Variants in MYO6 observed in about 807,000 individuals in gnomAD.
MYO6 encodes myosin VI.
Under a neutral mutation model 178.7 loss-of-function variants are expected in MYO6, and 74 were observed. The observed-to-expected ratio is 0.41, with a 90% CI of 0.34 to 0.50. The LOEUF (loss-of-function observed/expected upper bound fraction) is 0.50, where lower values mean the gene tolerates loss of function less well. Ranked by LOEUF, MYO6 falls within the 20% of genes least tolerant of loss-of-function variation. MYO6 has a pLI of 0.09. For synonymous variants in MYO6, 477 were observed against 504.6 expected (o/e 0.95, Z 0.73); for missense variants, 1,330 against 1,547.4 (o/e 0.86, Z 2.36).
intron 1 of MYO6, among the ~76,000 whole-genome samples, chr6:75,789,876 C>T (rs1006264700): frequency 3.9e-5 from 6 of 152,206 alleles, no homozygotes; most frequent in Non-Finnish European, 5.9e-5. Context: ...TGAACAACCT[C>T]TCCTGGTCCT....
At chr6:75,908,463 CA>C (rs1475000376) in intron 31 of MYO6, 32 bp from the exon 32 acceptor site, 3 of 1,572,296 alleles carry the variant, frequency 1.9e-6, no homozygotes, top group Non-Finnish European at 2.6e-6. Context: ...ATTAACATGT[CA>C]ATTTTTTTTT....
Position 75,890,173 on chromosome 6 carries a change from G to T in MYO6, c.2775G>T (p.Arg925Ser), listed in dbSNP as rs767162934. The T allele has an allele frequency of 5.0e-6, 8 of 1,613,052 alleles. No homozygotes were observed. The highest frequency in any genetic ancestry group is 5.9e-6 in the Non-Finnish European group (7 of 1,179,194). ...AACAGCAGGAAGAGGAAGCAGAAAGGCTGAGGCGTATTCAAGAAGAAATGG... is the reference window on the plus strand; with the variant it reads ...AACAGCAGGAAGAGGAAGCAGAAAGTCTGAGGCGTATTCAAGAAGAAATGG... ...KKKQQEEEAE[R>S]LRRIQEEMEK... is the part of the protein sequence containing the mutation. The change falls in exon 26 of 35, where the codon AGG becomes AGT. Residue 925 changes from arginine (R) to serine (S), a missense_variant. By Grantham distance (110) the Arg-to-Ser change is moderately radical. Transcript: ENST00000369977.
At chr6:75,850,079 A>T (rs1262490678) in intron 11 of MYO6, among the ~76,000 whole-genome samples, 2 of 152,036 alleles carry the variant, frequency 1.3e-5, no homozygotes, top group Non-Finnish European at 2.9e-5. Context: ...CACATGCACA[A>T]ATCCTGGTGT....
rs1778196096 is a variant in MYO6, at chr6:75,764,183, T to G, written c.-48+14760T>G. The stretch of plus-strand genomic sequence containing the variant: ...CCTCAGCTTCCCAAAGTGCTGGGAT[T>G]ATGGATGCGGGCCACCATGCCTGGT... On this transcript the variant is annotated intron_variant, in intron 1 of 34. Transcript: ENST00000369977. Among the ~76,000 whole-genome samples the G allele has an allele frequency of 2.0e-5, 3 of 152,176 alleles. No homozygotes were observed. The South Asian group carries it at 6.2e-4, about 32-fold the overall frequency.
chr6:75,911,599 T>G, intron 32 of MYO6, 73 bp from the exon 33 acceptor site: 3 of 1,352,156 alleles, frequency 2.2e-6, no homozygotes, highest in Non-Finnish European at 3.2e-6. Flanking sequence ...GAAGGCTTTA[T>G]AAATTAGAAA....
chr6:75,838,266 A>G (rs997183764), intron 7 of MYO6, among the ~76,000 whole-genome samples: 1 of 152,014 alleles, frequency 6.6e-6, no homozygotes, highest in Non-Finnish European at 1.5e-5. Flanking sequence ...CATGTTGGGC[A>G]GGCTGGTCTT....
chr6:75,788,648 G>C (rs1372751002), intron 1 of MYO6, among the ~76,000 whole-genome samples: 1 of 152,192 alleles, frequency 6.6e-6, no homozygotes, highest in African/African-American at 2.4e-5. Context: ...ATGTTGGCCA[G>C]GCTGGTCTTG....
intron 22 of MYO6, among the ~76,000 whole-genome samples, chr6:75,881,055 C>T (rs1188625191): frequency 6.6e-6 from 1 of 152,082 alleles, no homozygotes; most frequent in Non-Finnish European, 1.5e-5. Context: ...AGTTTGAGAC[C>T]AGCTTGGGCA....
At chr6:75,858,819 TATTACA>T in intron 13 of MYO6, 77 bp from the exon 14 acceptor site, 3 of 794,724 alleles carry the variant, frequency 3.8e-6, no homozygotes, top group Non-Finnish European at 4.2e-6. Flanking sequence ...ATTAAGCCAT[TATTACA>T]ATTACATTTT....
At chr6:75,875,342 A>G (rs1056467279) in intron 20 of MYO6, among the ~76,000 whole-genome samples, 2 of 152,160 alleles carry the variant, frequency 1.3e-5, no homozygotes, top group Non-Finnish European at 2.9e-5. Context: ...TGGCACAATC[A>G]TGGCTCACTG....
At chr6:75,911,894 A>G (rs182466239) in intron 33 of MYO6, among the ~76,000 whole-genome samples, 196 bp downstream of exon 33, 1 of 152,148 alleles carries the variant, frequency 6.6e-6, no homozygotes, top group African/African-American at 2.4e-5. Context: ...ATGTATATGT[A>G]TTACAAAAAA....
intron 1 of MYO6, among the ~76,000 whole-genome samples, chr6:75,766,794 T>A (rs1778457221): frequency 1.3e-5 from 2 of 152,202 alleles, no homozygotes; most frequent in Non-Finnish European, 2.9e-5. Context: ...CAAAAATATT[T>A]TAAATATATG....
chr6:75,883,497 G>C (rs934954196), intron 23 of MYO6, among the ~76,000 whole-genome samples: 1 of 152,024 alleles, frequency 6.6e-6, no homozygotes, highest in Non-Finnish European at 1.5e-5. Context: ...CCTCTGATTG[G>C]GATTTTTAGG....
intron 30 of MYO6, among the ~76,000 whole-genome samples, chr6:75,902,541 A>G (rs1172917468): frequency 6.6e-6 from 1 of 152,164 alleles, no homozygotes; most frequent in Admixed American, 6.5e-5. Flanking sequence ...CTCTGATGGT[A>G]GTTTGTATTT....
At chr6:75,775,378 T>G (rs1235576412) in intron 1 of MYO6, among the ~76,000 whole-genome samples, 1 of 152,214 alleles carries the variant, frequency 6.6e-6, no homozygotes, top group Non-Finnish European at 1.5e-5. Flanking sequence ...CTGCCTTGGC[T>G]TCTGGCACTG....
intron 1 of MYO6, among the ~76,000 whole-genome samples, chr6:75,797,542 A>G (rs541316091): frequency 6.7e-6 from 1 of 148,786 alleles, no homozygotes; most frequent in African/African-American, 2.5e-5. Context: ...TTTAGTTTTT[A>G]TTTTTTTTTG....
chr6:75,846,567 A>G (rs1562241603), intron 10 of MYO6, among the ~76,000 whole-genome samples: 1 of 152,176 alleles, frequency 6.6e-6, no homozygotes, highest in Non-Finnish European at 1.5e-5. Flanking sequence ...AAACTTTGCT[A>G]TAGCCATGGT....
intron 1 of MYO6, among the ~76,000 whole-genome samples, chr6:75,782,811 CTT>C (rs1269446029): frequency 2.0e-4 from 31 of 151,544 alleles, no homozygotes; most frequent in African/African-American, 7.3e-4. Context: ...TTCTGAGTGT[CTT>C]TGTGGATGGA....
Position 75,822,823 on chromosome 6 carries a change from G to C in MYO6, c.159G>C (p.Glu53Asp). The C allele has an allele frequency of 6.2e-7, 1 of 1,613,334 alleles. No individual in the cohort carries two copies. Among genetic ancestry groups the C allele is most frequent in the Non-Finnish European group, 8.5e-7 (1 of 1,179,612 alleles). Residue 53 changes from glutamate to aspartate, a missense_variant, in exon 3 of 35, where the codon GAG (glutamate) becomes GAC (aspartate). Physicochemically the swap from Glu to Asp is conservative, Grantham distance 45. Coordinates refer to ENST00000369977, the MANE Select transcript of MYO6 (RefSeq NM_004999.4). ...TAAACCAAGTGTTTCCTGCAGAAGA[G>C]GACAGTAAAAAAGATGTGGAAGATA... ...ALINQVFPAE[E>D]DSKKDVEDNC...
Sources: allele counts gnomAD v4.1 joint callset (sites outside exome capture counted in the v4.1 genomes callset), GRCh38; gene constraint gnomAD v4.1.1; transcripts MANE v1.5; gene names NCBI Gene and HGNC (gene_info 2026-07-23, HGNC 2026-07-21).